The following MVP variants were observed in gnomAD, a reference collection of about 807,000 sequenced individuals.
MVP encodes the protein major vault protein, also known as lung resistance-related protein.
In MVP, 62 loss-of-function variants were observed where a neutral mutation model predicts 83.5. The ratio of observed to expected loss-of-function variants is 0.74; its 90% confidence interval spans 0.61 to 0.92. The LOEUF (loss-of-function observed/expected upper bound fraction) is 0.92. Ranked by LOEUF, MVP falls within the 40% of genes least tolerant of loss-of-function variation. The pLI, the probability that MVP is intolerant of heterozygous loss-of-function variation, is 0.00. For missense variants in MVP, 1,000 were observed against 1,203.4 expected, an observed-to-expected ratio of 0.83 and a Z score of 2.50; for synonymous variants, 505 against 504.1, an observed-to-expected ratio of 1.00 and a Z score of -0.02.
chr16:29,822,489 CTG>C (rs761466903), intron 1 of MVP: 4 of 150,828 alleles, frequency 2.7e-5, no homozygotes, highest in Admixed American at 6.6e-5. Flanking sequence ...GTGAGAAACT[CTG>C]TGAAGTTGTG....
chr16:29,840,054 G>C, intron 7 of MVP, 124 bp from the exon 8 acceptor site: 1 of 945,548 alleles, frequency 1.1e-6, no homozygotes, highest in East Asian at 2.5e-5. Flanking sequence ...ATGTGGGGGT[G>C]GGGGCGGGCT....
At chr16:29,838,183 C>G (rs1437644684) in intron 7 of MVP, among the ~76,000 whole-genome samples, 1 of 151,642 alleles carries the variant, frequency 6.6e-6, no homozygotes, top group Non-Finnish European at 1.5e-5. Context: ...TGTGTAATCC[C>G]AGCACTTTAC....
chr16:29,834,640 C>G (rs1459514275), intron 5 of MVP: 1 of 154,224 alleles, frequency 6.5e-6, no homozygotes, highest in African/African-American at 2.4e-5. Context: ...TGCACTCCAT[C>G]CTGGGCCACA....
intron 3 of MVP, among the ~76,000 whole-genome samples, chr16:29,832,772 T>G (rs2067454840): frequency 6.6e-6 from 1 of 151,466 alleles, no homozygotes; most frequent in Non-Finnish European, 1.5e-5. Flanking sequence ...GCTTTCATTT[T>G]AAATATGTTC....
chr16:29,845,008 ACAGATCAGGTGACC>A, intron 11 of MVP, 129 bp downstream of exon 11: 1 of 1,247,596 alleles, frequency 8.0e-7, no homozygotes, highest in Non-Finnish European at 1.1e-6. Context: ...TCCCTACCCA[ACAGATCAGGTGACC>A]CACTTAAAAT....
chr16:29,842,670 G>A (rs143370529), intron 10 of MVP, among the ~76,000 whole-genome samples: 4 of 152,278 alleles, frequency 2.6e-5, no homozygotes, highest in East Asian at 1.9e-4. Context: ...CCTGCTGGGT[G>A]CAGCCTAGGA....
chr16:29,838,077 A>G (rs999451469), intron 7 of MVP, among the ~76,000 whole-genome samples: 2 of 152,122 alleles, frequency 1.3e-5, no homozygotes, highest in African/African-American at 4.8e-5. Flanking sequence ...CTTGGGCACT[A>G]CGTAAACAAG....
At chr16:29,831,684 A>G (rs2067443508) in intron 3 of MVP, 1 of 456,138 alleles carries the variant, frequency 2.2e-6, no homozygotes, top group Non-Finnish European at 4.4e-6. Context: ...GTCTGGCATT[A>G]AATGACATGT....
At chr16:29,835,912 C>A in intron 6 of MVP, 114 bp downstream of exon 6, 2 of 853,000 alleles carry the variant, frequency 2.3e-6, no homozygotes, top group Non-Finnish European at 3.8e-6. Context: ...ATTTTAGGGT[C>A]ACTTAAAAAA....
At chr16:29,827,220 C>G (rs2067410692) in intron 1 of MVP, among the ~76,000 whole-genome samples, 1 of 152,088 alleles carries the variant, frequency 6.6e-6, no homozygotes, top group Non-Finnish European at 1.5e-5. Context: ...CAAAAATGAG[C>G]AACAGAAAAT....
rs1450955605 is a variant in MVP, at chr16:29,847,285, A to G, written c.2354A>G (p.Gln785Arg). 2 of 1,613,520 alleles carry G rather than the reference A, an allele frequency of 1.2e-6. No individual in the cohort carries two copies. Among genetic ancestry groups the G allele is most frequent in the Non-Finnish European group, 1.7e-6 (2 of 1,179,904 alleles). ...CTGGAGCTGGAGGTGAGCAAGGCTC[A>G]GCAGCTGGCTGAGGTGGAGGTGAAG... is the stretch of plus-strand genomic sequence containing the variant. ...AQLELEVSKA[Q>R]QLAEVEVKKF... Residue 785 changes from glutamine to arginine, a missense_variant, in exon 14 of 15, where the codon CAG becomes CGG. Transcript: ENST00000357402.
chr16:29,823,006 C>T (rs146201104), intron 1 of MVP, among the ~76,000 whole-genome samples: 261 of 152,068 alleles, frequency 1.7e-3, no homozygotes, highest in African/African-American at 3.8e-3. Flanking sequence ...CCACTGCGCC[C>T]GGCCTGAAAC....
intron 1 of MVP, among the ~76,000 whole-genome samples, chr16:29,827,417 A>C (rs1012030499): frequency 6.6e-6 from 1 of 152,206 alleles, no homozygotes; most frequent in Non-Finnish European, 1.5e-5. Flanking sequence ...AAGCCCGGGC[A>C]GTCTGGGTTG....
At chr16:29,833,491 T>TA (rs1555504450) in intron 3 of MVP, 1 of 188,384 alleles carries the variant, frequency 5.3e-6, no homozygotes, top group Non-Finnish European at 9.8e-6. Context: ...TTTTTTTTTT[T>TA]AGAGATGGGA....
intron 3 of MVP, among the ~76,000 whole-genome samples, chr16:29,832,063 A>G (rs1431247218): frequency 6.6e-6 from 1 of 152,002 alleles, no homozygotes; most frequent in African/African-American, 2.4e-5. Context: ...TACAGGCATG[A>G]GCCACCGTGT....
chr16:29,825,763 G>C (rs531981353), intron 1 of MVP, among the ~76,000 whole-genome samples: 11 of 152,328 alleles, frequency 7.2e-5, no homozygotes, highest in Non-Finnish European at 1.6e-4. Context: ...CCTCAGCTGT[G>C]GGGGGTGTTG....
chr16:29,838,541 T>C (rs893125745), intron 7 of MVP, among the ~76,000 whole-genome samples: 2 of 151,760 alleles, frequency 1.3e-5, no homozygotes, highest in Non-Finnish European at 2.9e-5. Flanking sequence ...AAGAAAGAAA[T>C]GGCAGGCCAG....
chr16:29,821,867 C>T (rs1196223321), intron 1 of MVP, among the ~76,000 whole-genome samples: 1 of 152,152 alleles, frequency 6.6e-6, no homozygotes, highest in African/African-American at 2.4e-5. Context: ...AGGCTCTCTC[C>T]CGGAAACTTA....
At position 29,842,243 on chromosome 16, in the gene MVP, C is replaced by A. The variant is rs750859834; in HGVS notation, c.1634+131C>A. The A allele has an allele frequency of 2.6e-4, 235 of 901,768 alleles. 1 individual carries two copies. The highest frequency in any genetic ancestry group is 5.5e-4 in the Admixed American group (21 of 38,274). The allele number at this position is 901,768 out of a possible 1,614,324, so 55.9% of individuals were successfully genotyped here. On this transcript the variant is annotated intron_variant, in intron 10 of 14. Coordinates refer to ENST00000357402, the MANE Select transcript of MVP (RefSeq NM_005115.5). ...CCTTGATGGCCCCACTATACTCCAG[C>A]CTGGGTGACAGAGCAAGACCCTGTT...
Sources: allele counts gnomAD v4.1 joint callset (sites outside exome capture counted in the v4.1 genomes callset), GRCh38; gene constraint gnomAD v4.1.1; transcripts MANE v1.5; gene names NCBI Gene and HGNC (gene_info 2026-07-23, HGNC 2026-07-21).